Variants in ROBO2 observed in about 807,000 individuals in gnomAD.
The protein encoded by ROBO2 is roundabout homolog 2.
A neutral mutation model predicts 160.8 loss-of-function variants in ROBO2; 53 were observed. The observed-to-expected ratio is 0.33, with a 90% CI of 0.26 to 0.41. ROBO2 has a LOEUF of 0.41. ROBO2 is among the 10% of genes least tolerant of loss of function. The probability of loss-of-function intolerance (pLI) is 1.00; values close to 1 mark genes in which losing one functional copy is unlikely to be tolerated. For missense variants in ROBO2, 1,577 were observed against 1,722.4 expected (o/e 0.92, Z 1.49); for synonymous variants, 664 against 611.7 (o/e 1.09, Z -1.26).
At chr3:77,558,607 G>T (rs780649520) in intron 9 of ROBO2, among the ~76,000 whole-genome samples, 7 of 152,048 alleles carry the variant, frequency 4.6e-5, no homozygotes, top group Non-Finnish European at 7.4e-5. Context: ...TGCCTGGTTA[G>T]TGGGAAACCT....
At chr3:77,568,646 T>C (rs2093556986) in intron 13 of ROBO2, among the ~76,000 whole-genome samples, 1 of 152,066 alleles carries the variant, frequency 6.6e-6, no homozygotes, top group South Asian at 2.1e-4. Context: ...ATATCCTGTC[T>C]TCTGAATTTT....
At chr3:76,395,987 C>T (rs1272182140) in intron 2 of ROBO2, among the ~76,000 whole-genome samples, 1 of 152,092 alleles carries the variant, frequency 6.6e-6, no homozygotes, top group Non-Finnish European at 1.5e-5. Flanking sequence ...CCAGCATCAT[C>T]CTGATACCAA....
chr3:76,950,037 CT>C (rs1284874862), intron 2 of ROBO2, among the ~76,000 whole-genome samples: 4 of 152,260 alleles, frequency 2.6e-5, no homozygotes, highest in Admixed American at 2.0e-4. Flanking sequence ...CAGCATTTCT[CT>C]TTTTGTGATG....
intron 2 of ROBO2, among the ~76,000 whole-genome samples, chr3:76,075,668 A>G (rs1394620543): frequency 6.6e-6 from 1 of 152,220 alleles, no homozygotes; most frequent in Non-Finnish European, 1.5e-5. Context: ...GCGTAGACAA[A>G]CAAATGAGCA....
At chr3:77,129,773 C>T (rs1049330619) in intron 2 of ROBO2, among the ~76,000 whole-genome samples, 1 of 151,984 alleles carries the variant, frequency 6.6e-6, no homozygotes, top group Non-Finnish European at 1.5e-5. Flanking sequence ...ATGGTTTTGC[C>T]GGGATTCAGA....
At chr3:76,503,442 C>G (rs1000721004) in intron 2 of ROBO2, among the ~76,000 whole-genome samples, 6 of 152,148 alleles carry the variant, frequency 3.9e-5, no homozygotes, top group African/African-American at 1.4e-4. Flanking sequence ...CATATGATCT[C>G]ACTACTGGGT....
chr3:76,415,088 C>T (rs1355263104), intron 2 of ROBO2, among the ~76,000 whole-genome samples: 1 of 152,130 alleles, frequency 6.6e-6, no homozygotes, highest in African/African-American at 2.4e-5. Flanking sequence ...CATTAGGGAA[C>T]AAGGCAGCAT....
At chr3:76,109,039 G>T (rs1390659952) in intron 2 of ROBO2, among the ~76,000 whole-genome samples, 3 of 151,802 alleles carry the variant, frequency 2.0e-5, no homozygotes, top group Non-Finnish European at 4.4e-5. Flanking sequence ...CTAACGTGAA[G>T]AAAATGTTCT....
intron 2 of ROBO2, among the ~76,000 whole-genome samples, chr3:76,583,078 G>A (rs771077596): frequency 1.3e-4 from 20 of 151,686 alleles, no homozygotes; most frequent in Middle Eastern, 3.4e-3. Flanking sequence ...GCTGGAGTAC[G>A]GAACCGAGCT....
chr3:76,397,812 AAGTC>A (rs1365280844), intron 2 of ROBO2, among the ~76,000 whole-genome samples: 17 of 152,012 alleles, frequency 1.1e-4, no homozygotes, highest in Non-Finnish European at 4.4e-5. Flanking sequence ...AATCATTAAA[AAGTC>A]AGGAAACAAC....
chr3:77,075,409 C>G (rs1033177059), intron 1 of ROBO2, among the ~76,000 whole-genome samples: 3 of 151,970 alleles, frequency 2.0e-5, no homozygotes, highest in African/African-American at 7.3e-5. Context: ...CTAGACACTA[C>G]CTGTTGAGAT....
chr3:77,316,271 A>G (rs1399754965), intron 2 of ROBO2, among the ~76,000 whole-genome samples: 2 of 152,208 alleles, frequency 1.3e-5, no homozygotes, highest in African/African-American at 4.8e-5. Context: ...CATTTGGTGT[A>G]AAAGAGGTGA....
intron 2 of ROBO2, among the ~76,000 whole-genome samples, chr3:76,236,714 G>A (rs1210941320): frequency 6.6e-6 from 1 of 152,040 alleles, no homozygotes; most frequent in African/African-American, 2.4e-5. Flanking sequence ...TGAAAAAGGA[G>A]AAGTTAGAAT....
At chr3:76,391,252 A>G (rs890293236) in intron 2 of ROBO2, among the ~76,000 whole-genome samples, 10 of 152,134 alleles carry the variant, frequency 6.6e-5, no homozygotes, top group Admixed American at 2.0e-4. Flanking sequence ...AAAATTCTCA[A>G]ACTTAGTTGA....
chr3:77,596,545 G>C (rs904654372), intron 18 of ROBO2, 78 bp from the exon 20 acceptor site: 2 of 1,556,730 alleles, frequency 1.3e-6, no homozygotes, highest in African/African-American at 2.7e-5. Context: ...ATTTCTTAAC[G>C]CTTTATATTG....
At chr3:77,413,585 C>T (rs1275701956) in intron 2 of ROBO2, among the ~76,000 whole-genome samples, 1 of 152,146 alleles carries the variant, frequency 6.6e-6, no homozygotes, top group Non-Finnish European at 1.5e-5. Flanking sequence ...GGTGACAAGG[C>T]CTGAAATACA....
At chr3:77,097,884 A>T in intron 1 of ROBO2, 130 bp from the exon 2 acceptor site, 1 of 857,590 alleles carries the variant, frequency 1.2e-6, no homozygotes, top group Non-Finnish European at 1.7e-6. Context: ...ATGCATACAC[A>T]AAACGAAACA....
chr3:76,449,622 T>C (rs1447876907), intron 2 of ROBO2, among the ~76,000 whole-genome samples: 1 of 152,180 alleles, frequency 6.6e-6, no homozygotes, highest in Non-Finnish European at 1.5e-5. Flanking sequence ...GTTAGAATTG[T>C]ATACATATCA....
intron 2 of ROBO2, among the ~76,000 whole-genome samples, chr3:77,382,743 G>A (rs1481845023): frequency 2.0e-5 from 3 of 152,124 alleles, no homozygotes; most frequent in East Asian, 1.9e-4. Context: ...TGCAAAAGAC[G>A]CTACTTTGTT....
Sources: gnomAD v4.1 joint callset for allele counts (sites outside exome capture counted in the v4.1 genomes callset) on GRCh38, gnomAD v4.1.1 for gene constraint, MANE v1.5 for transcripts, NCBI Gene and HGNC (gene_info 2026-07-23, HGNC 2026-07-21) for gene names.